Variants in COL6A5 observed in about 807,000 individuals in gnomAD.
COL6A5 encodes collagen type VI alpha 5 chain.
Under a neutral mutation model 65.6 loss-of-function variants are expected in COL6A5, and 48 were observed. The observed-to-expected ratio is 0.73, with a 90% CI of 0.58 to 0.93. The LOEUF is 0.93. Among genes scored for constraint, COL6A5 ranks in the 40% least tolerant of loss-of-function variants. The pLI is 0.00. For synonymous variants in COL6A5, 291 were observed against 322.8 expected (o/e 0.90, Z 1.05); for missense variants, 914 against 928.3 (o/e 0.98, Z 0.20).
upstream of COL6A5, chr3:130,429,647 A>G (rs1937713611): frequency 3.6e-6 from 5 of 1,388,080 alleles, no homozygotes; most frequent in Middle Eastern, 1.8e-4. Flanking sequence ...AACAAGACCA[A>G]TCTGAAAGAT....
In COL6A5 at chr3:130,415,788, T is replaced by A. The variant is rs1040897143; in HGVS notation, c.4824+81T>A. Reference sequence around the variant, plus strand: ...GTGCAAAAAAATCTTCACATATAATTTTTTGTATTATTTACATATATATTA... The same window carrying A: ...GTGCAAAAAAATCTTCACATATAATATTTTGTATTATTTACATATATATTA... On this transcript the variant is annotated intron_variant and NMD_transcript_variant, in intron 23 of 41. Transcript: ENST00000312481. 81 of 1,210,790 alleles carry A rather than the reference T, an allele frequency of 6.7e-5. No homozygotes were observed. The African/African-American group carries it at 1.2e-3, about 18-fold the overall frequency. 75.0% of individuals were successfully genotyped at this position (1,210,790 alleles called of 1,614,324 possible). A position where few individuals can be genotyped will look rare whatever the true frequency, so the allele number is the denominator to read the frequency against.
chr3:130,352,636 A>C (rs1370686640), intron 1 of COL6A5, among the ~76,000 whole-genome samples: 1 of 152,206 alleles, frequency 6.6e-6, no homozygotes, highest in African/African-American at 2.4e-5. Flanking sequence ...CCACATACCC[A>C]GTTAGTACAG....
At chr3:130,467,180 C>T (rs1355470421) in intron 5 of COL6A5, among the ~76,000 whole-genome samples, 1 of 151,644 alleles carries the variant, frequency 6.6e-6, no homozygotes, top group Non-Finnish European at 1.5e-5. Flanking sequence ...TAGAAGCAGT[C>T]AATGTGTAAT....
chr3:130,414,939 G>A (rs1937293509), intron 22 of COL6A5, among the ~76,000 whole-genome samples: 1 of 152,072 alleles, frequency 6.6e-6, no homozygotes, highest in African/African-American at 2.4e-5. Flanking sequence ...GATTGGGTAG[G>A]GATGGGACCA....
intron 4 of COL6A5, among the ~76,000 whole-genome samples, chr3:130,450,274 T>G (rs1386724092): frequency 6.6e-6 from 1 of 152,176 alleles, no homozygotes; most frequent in African/African-American, 2.4e-5. Context: ...GGTTTCCATC[T>G]ATATCATACT....
At chr3:130,453,214 T>C (rs187200766) in intron 4 of COL6A5, among the ~76,000 whole-genome samples, 67 of 152,220 alleles carry the variant, frequency 4.4e-4, no homozygotes, top group Non-Finnish European at 5.0e-4. Context: ...AGAGTATTGA[T>C]TGGGGAAGTG....
chr3:130,484,666 G>C (rs368357442), exon 8 of COL6A5: 1 of 395,182 alleles, frequency 2.5e-6, no homozygotes, highest in Non-Finnish European at 4.4e-6. Context: ...CTAATTTTAT[G>C]AACCATATTT....
intron 7 of COL6A5, among the ~76,000 whole-genome samples, chr3:130,480,567 CTG>C (rs1255394291): frequency 2.0e-5 from 3 of 152,100 alleles, no homozygotes; most frequent in East Asian, 1.9e-4. Flanking sequence ...ATGGTGGACT[CTG>C]TTGGATAAGT....
At chr3:130,391,507 T>C in exon 7 of COL6A5, 2 of 1,551,648 alleles carry the variant, frequency 1.3e-6, no homozygotes, top group Non-Finnish European at 1.7e-6. Flanking sequence ...TCAAGCAAAA[T>C]GTGAAGCAGA....
At chr3:130,377,911 T>C (rs966606347) in intron 3 of COL6A5, among the ~76,000 whole-genome samples, 2 of 152,150 alleles carry the variant, frequency 1.3e-5, no homozygotes, top group African/African-American at 4.8e-5. Context: ...TCAGAGTAGA[T>C]TGGTAGATTT....
At chr3:130,423,532 G>A (rs1327378997) in intron 28 of COL6A5, among the ~76,000 whole-genome samples, 3 of 151,948 alleles carry the variant, frequency 2.0e-5, no homozygotes, top group African/African-American at 7.2e-5. Flanking sequence ...CTCATTAGAT[G>A]TCTGTGTACC....
rs577986021 is a variant in COL6A5 at position 130,450,241 on chromosome 3, G to A, written c.1333-5214G>A. ...GGGCCTGGGACCAGCCCTGCTCCCC[G>A]TTTCCCTGGTGTTGTGGCAGGGGGT... On this transcript the variant is annotated intron_variant, in intron 4 of 7. Coordinates refer to ENST00000512836, the Ensembl canonical transcript of COL6A5. Among the ~76,000 whole-genome samples, 16 of 152,222 alleles carry A rather than the reference G, an allele frequency of 1.1e-4. 1 individual carries two copies. The South Asian group carries it at 1.7e-3, about 16-fold the overall frequency.
At chr3:130,442,366 T>C (rs1709205112) in intron 3 of COL6A5, among the ~76,000 whole-genome samples, 1 of 148,098 alleles carries the variant, frequency 6.8e-6, no homozygotes, top group Non-Finnish European at 1.5e-5. Flanking sequence ...GAGTCATTGG[T>C]ATCCATTTTT....
At chr3:130,376,636 C>G (rs752096481) in exon 3 of COL6A5, 7 of 1,612,090 alleles carry the variant, frequency 4.3e-6, no homozygotes, top group African/African-American at 1.3e-5. Flanking sequence ...GCTTCGAAAG[C>G]CCTGCAGAAA....
chr3:130,426,261 C>G lies in COL6A5; in HGVS notation c.5199+12C>G, dbSNP rs368675986. On this transcript the variant is annotated intron_variant and NMD_transcript_variant, in intron 30 of 41. Transcript: ENST00000312481. ...AGCCTGTATATTCTGTATGTATCTC[C>G]TTATTCATGAAAGAAAACTCAATAA... 1.5e-5 allele frequency: 23 copies of G among 1,551,280 alleles called. No individual in the cohort carries two copies. The African/African-American group carries it at 2.7e-4, about 18-fold the overall frequency.
chr3:130,440,517 G>A (rs750616655), exon 3 of COL6A5: 57 of 1,613,516 alleles, frequency 3.5e-5, no homozygotes, highest in East Asian at 2.9e-4. Flanking sequence ...ACAATTGGTC[G>A]TGCCCTACTG....
intron 5 of COL6A5, among the ~76,000 whole-genome samples, chr3:130,386,936 T>C (rs541613282): frequency 1.8e-4 from 27 of 152,142 alleles, no homozygotes; most frequent in African/African-American, 5.8e-4. Flanking sequence ...AGGCACAGTG[T>C]ATTAGTAGGG....
chr3:130,416,731 A>T (rs4688798), intron 23 of COL6A5, 26 bp from the exon 24 acceptor site: 1,224,427 of 1,412,716 alleles, frequency 0.87, 540,392 homozygotes, highest in Non-Finnish European at 0.91. Flanking sequence ...CGGTGCCAAC[A>T]TTTTAGTCTC....
At chr3:130,469,338 T>G in exon 6 of COL6A5, 1 of 1,612,946 alleles carries the variant, frequency 6.2e-7, no homozygotes, top group South Asian at 1.1e-5. Context: ...GTGTTTTCCT[T>G]TGGCCCTAAA....
Sources: allele counts gnomAD v4.1 joint callset (sites outside exome capture counted in the v4.1 genomes callset), GRCh38; gene constraint gnomAD v4.1.1; transcripts MANE v1.5; gene names NCBI Gene and HGNC (gene_info 2026-07-23, HGNC 2026-07-21).